The following NXPE2 variants were observed in gnomAD, a reference collection of about 807,000 sequenced individuals.
NXPE2 encodes neurexophilin and PC-esterase domain family member 2, also known as NXPE family member 2.
NXPE2 carries 34 observed loss-of-function variants against 34.4 expected under a neutral mutation model. The observed-to-expected ratio is 0.99, with a 90% CI of 0.75 to 1.31. The LOEUF is 1.31. NXPE2 is among the 40% of genes most tolerant of loss of function. The pLI is 0.00. For synonymous variants in NXPE2, 235 were observed against 231.3 expected (o/e 1.02, Z -0.15); for missense variants, 649 against 672.5 (o/e 0.97, Z 0.39).
the NXPE2 span, chr11:114,594,820 A>G: frequency 1.5e-4 from 144 of 939,492 alleles, no homozygotes; most frequent in Middle Eastern, 5.5e-4. Context: ...CAAAACAGAA[A>G]AGCAAACAAA....
intron 2 of NXPE2, among the ~76,000 whole-genome samples, chr11:114,691,706 G>A (rs1025699914): frequency 6.6e-6 from 1 of 152,222 alleles, no homozygotes; most frequent in Non-Finnish European, 1.5e-5. Flanking sequence ...CTGGGCTTTG[G>A]TGATGCCACC....
the NXPE2 span, chr11:114,530,836 T>C: frequency 1.2e-5 from 19 of 1,614,010 alleles, no homozygotes; most frequent in Non-Finnish European, 1.5e-5. Context: ...ATCAGTGATG[T>C]TTTAGGGAAT....
downstream of NXPE2, among the ~76,000 whole-genome samples, chr11:114,708,645 A>AGAAAAGAAAC (rs1859539772): frequency 6.6e-6 from 1 of 151,790 alleles, no homozygotes; most frequent in Admixed American, 6.6e-5. Flanking sequence ...AAAAAAGAAA[A>AGAAAAGAAAC]GAAAAGAAAA....
the NXPE2 span, among the ~76,000 whole-genome samples, chr11:114,511,894 TCATCAGAAG>T: frequency 0.077 from 11,759 of 152,222 alleles, 608 homozygotes; most frequent in Non-Finnish European, 0.11. Flanking sequence ...TCCTGAGGCC[TCATCAGAAG>T]CAGATGCTGG....
At chr11:114,638,150 GC>G in the NXPE2 span, among the ~76,000 whole-genome samples, 2 of 151,762 alleles carry the variant, frequency 1.3e-5, no homozygotes, top group African/African-American at 4.8e-5. Flanking sequence ...TTTCTCGGAG[GC>G]TTTGTTCATT....
the NXPE2 span, among the ~76,000 whole-genome samples, chr11:114,795,658 C>T: frequency 2.0e-5 from 3 of 152,218 alleles, no homozygotes; most frequent in Admixed American, 6.5e-5. Flanking sequence ...GCATTCAACA[C>T]AACCCCTGAG....
chr11:114,687,930 C>T (rs11215150), intron 2 of NXPE2, among the ~76,000 whole-genome samples: 36,624 of 151,852 alleles, frequency 0.24, 4,576 homozygotes, highest in East Asian at 0.42. Context: ...AATTTTTGTA[C>T]GTAAGTTTTG....
chr11:114,741,967 C>T, the NXPE2 span, among the ~76,000 whole-genome samples: 1 of 152,064 alleles, frequency 6.6e-6, no homozygotes, highest in African/African-American at 2.4e-5. Flanking sequence ...AAAGAAAGAC[C>T]TTTGCCAATC....
the NXPE2 span, among the ~76,000 whole-genome samples, chr11:114,590,900 A>C: frequency 6.6e-6 from 1 of 152,176 alleles, no homozygotes; most frequent in East Asian, 1.9e-4. Flanking sequence ...TGGCTCCTTA[A>C]ATATCAGGCT....
the NXPE2 span, among the ~76,000 whole-genome samples, chr11:114,762,073 A>G: frequency 6.6e-6 from 1 of 152,176 alleles, no homozygotes; most frequent in Non-Finnish European, 1.5e-5. Context: ...ACCTGCTCAG[A>G]GGGCATGGTA....
At chr11:114,580,299 A>C in the NXPE2 span, 1 of 1,614,114 alleles carries the variant, frequency 6.2e-7, no homozygotes, top group Admixed American at 1.7e-5. Context: ...TGTGGATGTC[A>C]TTCCAAACTT....
At chr11:114,796,625 A>G in the NXPE2 span, among the ~76,000 whole-genome samples, 2 of 152,236 alleles carry the variant, frequency 1.3e-5, no homozygotes, top group Non-Finnish European at 2.9e-5. Context: ...TGATTTACTT[A>G]TCTAGCAAAT....
At chr11:114,597,340 AATG>A in the NXPE2 span, among the ~76,000 whole-genome samples, 7 of 152,208 alleles carry the variant, frequency 4.6e-5, no homozygotes, top group Admixed American at 2.0e-4. Flanking sequence ...CTGAAATCTG[AATG>A]ATATTAACCA....
the NXPE2 span, among the ~76,000 whole-genome samples, chr11:114,540,217 A>C: frequency 6.6e-6 from 1 of 152,182 alleles, no homozygotes; most frequent in Non-Finnish European, 1.5e-5. Flanking sequence ...TCGGCCTCCC[A>C]AAGTGCTGGG....
At chr11:114,665,105 G>C in the NXPE2 span, among the ~76,000 whole-genome samples, 8 of 152,110 alleles carry the variant, frequency 5.3e-5, no homozygotes, top group Admixed American at 5.2e-4. Context: ...AACAAAATGT[G>C]TATTAGGGTT....
At chr11:114,622,246 A>G in the NXPE2 span, among the ~76,000 whole-genome samples, 10 of 104,394 alleles carry the variant, frequency 9.6e-5, no homozygotes, top group African/African-American at 1.5e-4. Context: ...ACTGTTATCC[A>G]GTGGATAATA....
the NXPE2 span, among the ~76,000 whole-genome samples, chr11:114,535,218 G>C: frequency 6.6e-6 from 1 of 152,120 alleles, no homozygotes; most frequent in Non-Finnish European, 1.5e-5. Context: ...ATACTTTACA[G>C]ACAAGCAAAT....
At chr11:114,577,086 C>CAT in the NXPE2 span, among the ~76,000 whole-genome samples, 7 of 119,004 alleles carry the variant, frequency 5.9e-5, no homozygotes, top group South Asian at 2.7e-4. Flanking sequence ...TATATATATA[C>CAT]ATATATATAT....
chr11:114,611,559 C>A, the NXPE2 span, among the ~76,000 whole-genome samples: 2 of 151,888 alleles, frequency 1.3e-5, no homozygotes, highest in African/African-American at 4.8e-5. Flanking sequence ...TCTTGGGTAA[C>A]CAGTATTACC....
Sources: allele counts gnomAD v4.1 joint callset (sites outside exome capture counted in the v4.1 genomes callset), GRCh38; gene constraint gnomAD v4.1.1; transcripts MANE v1.5; gene names NCBI Gene and HGNC (gene_info 2026-07-23, HGNC 2026-07-21).